Variants in NTN1 observed in about 807,000 individuals in gnomAD.
NTN1 encodes the protein netrin 1, also known as netrin-1.
A neutral mutation model predicts 54.2 loss-of-function variants in NTN1; 11 were observed. That is an observed-to-expected ratio of 0.20 (90% CI 0.13 to 0.34). The LOEUF (loss-of-function observed/expected upper bound fraction) is 0.34, where lower values mean the gene tolerates loss of function less well. Ranked by LOEUF, NTN1 falls within the 10% of genes least tolerant of loss-of-function variation. The pLI, the probability that NTN1 is intolerant of heterozygous loss-of-function variation, is 1.00. For missense variants in NTN1, 740 were observed against 893.1 expected (o/e 0.83, Z 2.18); for synonymous variants, 371 against 382.0 (o/e 0.97, Z 0.33).
intron 2 of NTN1, among the ~76,000 whole-genome samples, chr17:9,114,166 A>AAAAAAAAAAAAATATATATAT (rs1555569108): frequency 5.4e-5 from 4 of 74,658 alleles, no homozygotes; most frequent in Non-Finnish European, 9.9e-5. Flanking sequence ...AAAAAAAAAA[A>AAAAAAAAAAAAATATATATAT]ATATATATAT....
At chr17:9,142,663 A>G (rs113685443) in intron 2 of NTN1, among the ~76,000 whole-genome samples, 6 of 152,278 alleles carry the variant, frequency 3.9e-5, no homozygotes, top group African/African-American at 1.4e-4. Flanking sequence ...TGGACTTAAT[A>G]GATATCACCG....
chr17:9,105,260 C>T (rs1361709617), intron 2 of NTN1, among the ~76,000 whole-genome samples: 1 of 152,224 alleles, frequency 6.6e-6, no homozygotes, highest in Non-Finnish European at 1.5e-5. Context: ...TCTGCTCCAT[C>T]TGCCCAGTCC....
chr17:9,156,852 C>T (rs975690350), intron 2 of NTN1, among the ~76,000 whole-genome samples: 11 of 152,158 alleles, frequency 7.2e-5, no homozygotes, highest in Non-Finnish European at 1.6e-4. Context: ...GTCTAACTAT[C>T]TAACTGTCTC....
intron 6 of NTN1, among the ~76,000 whole-genome samples, chr17:9,236,435 T>G (rs1905992679): frequency 6.6e-6 from 1 of 152,232 alleles, no homozygotes; most frequent in African/African-American, 2.4e-5. Context: ...GCAATGCGCA[T>G]TTTGAATATT....
At chr17:9,168,248 C>T (rs1215438079) in intron 3 of NTN1, among the ~76,000 whole-genome samples, 2 of 152,140 alleles carry the variant, frequency 1.3e-5, no homozygotes, top group African/African-American at 4.8e-5. Context: ...ATTTAAAAAT[C>T]CTGGCCGGGC....
chr17:9,201,841 A>G (rs1331376182), intron 5 of NTN1, among the ~76,000 whole-genome samples: 1 of 151,896 alleles, frequency 6.6e-6, no homozygotes, highest in African/African-American at 2.4e-5. Flanking sequence ...ATGGAGCAGC[A>G]GTTAGAAATC....
At chr17:9,113,421 C>G (rs1236934841) in intron 2 of NTN1, among the ~76,000 whole-genome samples, 1 of 152,122 alleles carries the variant, frequency 6.6e-6, no homozygotes, top group Non-Finnish European at 1.5e-5. Context: ...GAACTTAACC[C>G]TGTATTTTCC....
At chr17:9,122,392 G>A (rs2092234275) in intron 2 of NTN1, among the ~76,000 whole-genome samples, 1 of 152,190 alleles carries the variant, frequency 6.6e-6, no homozygotes, top group Admixed American at 6.5e-5. Flanking sequence ...ATCCTCTACA[G>A]TTTGGTTCAT....
At chr17:9,099,743 T>A (rs2092143737) in intron 2 of NTN1, among the ~76,000 whole-genome samples, 2 of 152,224 alleles carry the variant, frequency 1.3e-5, no homozygotes, top group Admixed American at 1.3e-4. Context: ...ATTATGAGAA[T>A]GTCTTGAACT....
At chr17:9,139,602 C>A (rs1567719998) in intron 2 of NTN1, among the ~76,000 whole-genome samples, 1 of 152,132 alleles carries the variant, frequency 6.6e-6, no homozygotes, top group Non-Finnish European at 1.5e-5. Flanking sequence ...TGAGAGCCTC[C>A]TGTGAGCCAA....
At chr17:9,216,651 C>T (rs928747427) in intron 5 of NTN1, among the ~76,000 whole-genome samples, 1 of 152,238 alleles carries the variant, frequency 6.6e-6, no homozygotes, top group African/African-American at 2.4e-5. Context: ...CTGGTTCCTA[C>T]CAGCCTTTCC....
chr17:9,135,384 G>A lies in NTN1; in HGVS notation c.1019-27429G>A, dbSNP rs1462161295. Among the ~76,000 whole-genome samples the A allele has an allele frequency of 2.0e-5, 3 of 152,284 alleles. No individual in the cohort carries two copies. The East Asian group carries it at 5.8e-4, about 29-fold the overall frequency. Reference sequence around the variant, plus strand: ...ATCCTGCCAACCAGACCACACTAACGTTGTTCTCATGCACGGCTTCCTCTG... The same window carrying A: ...ATCCTGCCAACCAGACCACACTAACATTGTTCTCATGCACGGCTTCCTCTG... On this transcript the variant is annotated intron_variant, in intron 2 of 6. Coordinates refer to ENST00000173229, the MANE Select transcript of NTN1 (RefSeq NM_004822.3). This position sits in a 1 kb window ranked among gnomAD's most constrained non-coding sequence, Gnocchi z 4.4.
At chr17:9,020,668 C>T (rs576076984), upstream of NTN1, among the ~76,000 whole-genome samples, 1 of 152,212 alleles carries the variant, frequency 6.6e-6, no homozygotes, top group Non-Finnish European at 1.5e-5. Context: ...CAGGGCTTTG[C>T]ACCCTTAAAA....
upstream of NTN1, among the ~76,000 whole-genome samples, chr17:9,018,589 A>G (rs2091836702): frequency 7.0e-6 from 1 of 143,410 alleles, no homozygotes; most frequent in African/African-American, 2.6e-5. Context: ...GCGCCATTGC[A>G]CTCCAGCCTG....
intron 2 of NTN1, among the ~76,000 whole-genome samples, chr17:9,138,061 G>A (rs1319787516): frequency 6.6e-6 from 1 of 152,218 alleles, no homozygotes; most frequent in African/African-American, 2.4e-5. Flanking sequence ...CATGAGGTGA[G>A]AGCGGGCCTC....
chr17:9,014,948 T>C, the NTN1 span, among the ~76,000 whole-genome samples: 2 of 152,256 alleles, frequency 1.3e-5, no homozygotes, highest in Non-Finnish European at 2.9e-5. Flanking sequence ...ACCAGTGATG[T>C]GATCTTCAGC....
intron 2 of NTN1, among the ~76,000 whole-genome samples, chr17:9,158,936 T>G (rs1373474266): frequency 6.6e-6 from 1 of 152,222 alleles, no homozygotes; most frequent in Non-Finnish European, 1.5e-5. Flanking sequence ...CATCCCACAC[T>G]GCTTTTTCTA....
At chr17:9,010,660 A>G in the NTN1 span, among the ~76,000 whole-genome samples, 2 of 152,226 alleles carry the variant, frequency 1.3e-5, no homozygotes, top group Admixed American at 1.3e-4. Context: ...ATTCCCACAA[A>G]TGGTTGCTTA....
At chr17:9,032,906 G>A (rs2091892169) in intron 2 of NTN1, among the ~76,000 whole-genome samples, 1 of 151,586 alleles carries the variant, frequency 6.6e-6, no homozygotes, top group African/African-American at 2.4e-5. Flanking sequence ...GGCCTTCTGA[G>A]CTGCCATGAG....
Sources: gnomAD v4.1 joint callset for allele counts (sites outside exome capture counted in the v4.1 genomes callset) on GRCh38, gnomAD v4.1.1 for gene constraint, Gnocchi (gnomAD v3.1) non-coding constraint, MANE v1.5 for transcripts, NCBI Gene and HGNC (gene_info 2026-07-23, HGNC 2026-07-21) for gene names.